CCSER1: variants seen among roughly 807,000 people sequenced by gnomAD.
CCSER1 encodes serine-rich coiled-coil domain-containing protein 1.
Under a neutral mutation model 82.0 loss-of-function variants are expected in CCSER1, and 41 were observed. The ratio of observed to expected loss-of-function variants is 0.50; its 90% CI spans 0.39 to 0.65. The LOEUF (loss-of-function observed/expected upper bound fraction) is 0.65, where lower values mean the gene tolerates loss of function less well. Ranked by LOEUF, CCSER1 falls within the 30% of genes least tolerant of loss-of-function variation. The pLI is 0.00. For missense variants in CCSER1, 1,119 were observed against 1,064.2 expected, an observed-to-expected ratio of 1.05 and a Z score of -0.72; for synonymous variants, 414 against 383.9, an observed-to-expected ratio of 1.08 and a Z score of -0.92.
chr4:91,198,636 A>C (rs914103526), intron 10 of CCSER1, among the ~76,000 whole-genome samples: 2 of 152,120 alleles, frequency 1.3e-5, no homozygotes, highest in Non-Finnish European at 2.9e-5. Flanking sequence ...TAGGGATGAA[A>C]AAAGAAAGTA....
In CCSER1 at chr4:90,308,312, A is replaced by T. The variant is rs1305500993; in HGVS notation, c.28A>T (p.Thr10Ser). ...GGGGGACTCAGGATCAAGACGATCT[A>T]CCCTGGTCTCCCGGTTGCCAATATT... MGDSGSRRS[T>S]LVSRLPIFRR... The change falls in exon 2 of 11, where the codon ACC becomes TCC. Residue 10 changes from threonine (T) to serine (S), a missense_variant. Physicochemically the swap from Thr to Ser is moderately conservative, Grantham distance 58 (BLOSUM62 1). Transcript: ENST00000509176. 7 of 1,595,964 alleles carry T rather than the reference A, an allele frequency of 4.4e-6. No individual in the cohort carries two copies.
intron 6 of CCSER1, among the ~76,000 whole-genome samples, chr4:90,704,334 G>A (rs896626428): frequency 1.4e-4 from 21 of 152,262 alleles, no homozygotes; most frequent in African/African-American, 4.1e-4. Flanking sequence ...AGTTTCTGCC[G>A]AGATATCAGC....
At chr4:91,562,037 A>G (rs13122545) in intron 10 of CCSER1, among the ~76,000 whole-genome samples, 3 of 151,534 alleles carry the variant, frequency 2.0e-5, no homozygotes, top group South Asian at 2.1e-4. Flanking sequence ...TCTCATATAC[A>G]TAAGGGAAAT....
chr4:90,151,511 A>G (rs996332183), intron 1 of CCSER1, among the ~76,000 whole-genome samples: 1 of 152,060 alleles, frequency 6.6e-6, no homozygotes, highest in Non-Finnish European at 1.5e-5. Context: ...AAGCTACAAA[A>G]GAGATTAACA....
chr4:90,798,357 T>C (rs1756321664), intron 7 of CCSER1, among the ~76,000 whole-genome samples: 1 of 152,120 alleles, frequency 6.6e-6, no homozygotes, highest in South Asian at 2.1e-4. Context: ...TATTGGCTAT[T>C]TTGTCTGTCA....
intron 1 of CCSER1, among the ~76,000 whole-genome samples, chr4:90,226,564 T>C (rs1457040590): frequency 6.6e-6 from 1 of 152,232 alleles, no homozygotes; most frequent in Non-Finnish European, 1.5e-5. Flanking sequence ...GGAATATAGT[T>C]GGTTTTGAGA....
chr4:90,517,148 C>T (rs747425510), intron 5 of CCSER1, among the ~76,000 whole-genome samples: 6 of 152,104 alleles, frequency 3.9e-5, no homozygotes, highest in Non-Finnish European at 8.8e-5. Context: ...GCAAAATCAT[C>T]TAACACGAAG....
At chr4:90,683,741 GA>G (rs1734302656) in intron 6 of CCSER1, among the ~76,000 whole-genome samples, 1 of 151,694 alleles carries the variant, frequency 6.6e-6, no homozygotes, top group South Asian at 2.1e-4. Context: ...TTTAAATCAA[GA>G]AAAGGTAGTT....
intron 4 of CCSER1, among the ~76,000 whole-genome samples, chr4:90,420,378 C>T (rs947943922): frequency 1.3e-5 from 2 of 152,010 alleles, no homozygotes; most frequent in Non-Finnish European, 2.9e-5. Flanking sequence ...GCTCCTCCTA[C>T]TTCTTCTCCT....
intron 5 of CCSER1, among the ~76,000 whole-genome samples, chr4:90,513,673 T>A (rs188351275): frequency 2.6e-5 from 4 of 152,276 alleles, no homozygotes; most frequent in African/African-American, 9.6e-5. Flanking sequence ...AGTGTATGAC[T>A]ATGGGAAATA....
chr4:91,406,184 T>C (rs1445723904), intron 10 of CCSER1, among the ~76,000 whole-genome samples: 1 of 152,148 alleles, frequency 6.6e-6, no homozygotes, highest in Non-Finnish European at 1.5e-5. Context: ...AACCATGAAA[T>C]TGCATAATTT....
chr4:90,189,131 C>T (rs543570347), intron 1 of CCSER1, among the ~76,000 whole-genome samples: 6 of 152,006 alleles, frequency 3.9e-5, no homozygotes, highest in South Asian at 2.1e-4. Context: ...TCTTTGACTG[C>T]GTTTTCATGT....
intron 10 of CCSER1, among the ~76,000 whole-genome samples, chr4:91,229,032 G>A (rs2149111909): frequency 6.6e-6 from 1 of 152,274 alleles, no homozygotes; most frequent in Admixed American, 6.5e-5. Context: ...GCAACAGCAA[G>A]CTGTAGAGCG....
At chr4:91,580,225 A>G (rs917747853) in intron 10 of CCSER1, among the ~76,000 whole-genome samples, 3 of 151,770 alleles carry the variant, frequency 2.0e-5, no homozygotes, top group African/African-American at 4.8e-5. Flanking sequence ...TAACATATCC[A>G]TGGAAATTTT....
chr4:91,092,434 C>G (rs961313867), intron 10 of CCSER1, among the ~76,000 whole-genome samples: 36 of 152,200 alleles, frequency 2.4e-4, no homozygotes, highest in Admixed American at 2.0e-3. Flanking sequence ...TTGGGCATCT[C>G]TGTGAAGTCC....
chr4:90,274,155 C>T (rs1194995439), intron 1 of CCSER1, among the ~76,000 whole-genome samples: 2 of 152,050 alleles, frequency 1.3e-5, no homozygotes, highest in Non-Finnish European at 2.9e-5. Context: ...CCTGTCTGTC[C>T]CATCCTCTGA....
At chr4:91,197,814 A>C (rs1560509944) in intron 10 of CCSER1, among the ~76,000 whole-genome samples, 1 of 151,964 alleles carries the variant, frequency 6.6e-6, no homozygotes, top group Non-Finnish European at 1.5e-5. Context: ...TGACATTCAC[A>C]CAGCTTTTTG....
At chr4:91,531,540 T>G (rs1189556733) in intron 10 of CCSER1, among the ~76,000 whole-genome samples, 2 of 152,218 alleles carry the variant, frequency 1.3e-5, no homozygotes, top group Non-Finnish European at 2.9e-5. Flanking sequence ...GGGAAAGTGT[T>G]TAACTTACAG....
intron 1 of CCSER1, among the ~76,000 whole-genome samples, chr4:90,168,400 A>G (rs1171858733): frequency 6.6e-6 from 1 of 152,052 alleles, no homozygotes; most frequent in Non-Finnish European, 1.5e-5. Flanking sequence ...AGTAGATTGA[A>G]AAAATTTTCT....
Sources: gnomAD v4.1 joint callset for allele counts (sites outside exome capture counted in the v4.1 genomes callset) on GRCh38, gnomAD v4.1.1 for gene constraint, MANE v1.5 for transcripts, NCBI Gene and HGNC (gene_info 2026-07-23, HGNC 2026-07-21) for gene names.